The following MYO3B variants were observed in gnomAD, a reference collection of about 807,000 sequenced individuals.
The protein encoded by MYO3B is myosin-IIIb.
MYO3B carries 156 observed loss-of-function variants against 174.6 expected under a neutral mutation model. The ratio of observed to expected loss-of-function variants is 0.89; its 90% CI spans 0.78 to 1.02. The LOEUF (loss-of-function observed/expected upper bound fraction) is 1.02. MYO3B is among the 50% of genes least tolerant of loss of function. MYO3B has a pLI of 0.00. For missense variants in MYO3B, 1,632 were observed against 1,639.4 expected (o/e 1.00, Z 0.08); for synonymous variants, 563 against 569.1 (o/e 0.99, Z 0.15).
chr2:170,282,663 G>C (rs2093521189), intron 7 of MYO3B, among the ~76,000 whole-genome samples: 2 of 151,804 alleles, frequency 1.3e-5, no homozygotes, highest in South Asian at 4.2e-4. Flanking sequence ...ATTTTAATAG[G>C]GATGCATTGA....
intron 28 of MYO3B, among the ~76,000 whole-genome samples, chr2:170,504,847 C>G (rs1190173680): frequency 6.6e-6 from 1 of 152,122 alleles, no homozygotes; most frequent in Non-Finnish European, 1.5e-5. Context: ...CATTCAGATT[C>G]CAGGAGCAGG....
chr2:170,592,718 G>A (rs768352396), intron 32 of MYO3B, among the ~76,000 whole-genome samples: 5 of 152,070 alleles, frequency 3.3e-5, no homozygotes, highest in Non-Finnish European at 7.4e-5. Context: ...AAGTATCCTT[G>A]GTGCCCATCA....
intron 1 of MYO3B, among the ~76,000 whole-genome samples, chr2:170,185,260 C>T (rs1438225449): frequency 6.6e-6 from 1 of 152,148 alleles, no homozygotes; most frequent in Non-Finnish European, 1.5e-5. Flanking sequence ...AGACCAACGT[C>T]CTGGAGAGTT....
intron 30 of MYO3B, among the ~76,000 whole-genome samples, chr2:170,533,133 C>T (rs958021438): frequency 1.3e-5 from 2 of 152,166 alleles, no homozygotes; most frequent in South Asian, 4.1e-4. Flanking sequence ...GTCTATTCCA[C>T]GTCATCATTG....
chr2:170,277,067 G>T (rs1334526339), intron 7 of MYO3B, among the ~76,000 whole-genome samples: 2 of 152,148 alleles, frequency 1.3e-5, no homozygotes, highest in African/African-American at 4.8e-5. Context: ...GACAAGGTCA[G>T]TGCTGGGAAC....
intron 9 of MYO3B, among the ~76,000 whole-genome samples, chr2:170,377,092 A>G (rs2094299202): frequency 6.6e-6 from 1 of 152,232 alleles, no homozygotes; most frequent in Admixed American, 6.5e-5. Context: ...TTGATTAATG[A>G]GTCACTTTTG....
At chr2:170,552,393 G>A (rs966811824) in intron 32 of MYO3B, among the ~76,000 whole-genome samples, 1 of 152,182 alleles carries the variant, frequency 6.6e-6, no homozygotes, top group Admixed American at 6.5e-5. Context: ...TGCAGTAAAG[G>A]TCACTCTTGC....
intron 32 of MYO3B, among the ~76,000 whole-genome samples, chr2:170,589,392 ATTG>A (rs993118485): frequency 2.0e-5 from 3 of 152,158 alleles, no homozygotes; most frequent in Non-Finnish European, 2.9e-5. Flanking sequence ...TTCAGAAGGC[ATTG>A]TTGTCATAGG....
intron 7 of MYO3B, among the ~76,000 whole-genome samples, chr2:170,320,905 A>G (rs1018693153): frequency 6.6e-6 from 1 of 152,196 alleles, no homozygotes; most frequent in Non-Finnish European, 1.5e-5. Context: ...TGAAGAATAC[A>G]TAGAAAATAA....
chr2:170,609,291 C>T (rs770402907), intron 32 of MYO3B, among the ~76,000 whole-genome samples: 4 of 152,184 alleles, frequency 2.6e-5, no homozygotes, highest in Non-Finnish European at 5.9e-5. Flanking sequence ...CAAATATACA[C>T]ACTCACACAT....
At position 170,369,271 on chromosome 2, in the gene MYO3B, G is replaced by T; in HGVS notation, c.865G>T (p.Asp289Tyr). Residue 289 changes from aspartate (D) to tyrosine (Y), a missense_variant, in exon 9 of 35, where the codon GAC becomes TAC. Coordinates refer to ENST00000408978, the MANE Select transcript of MYO3B (RefSeq NM_138995.5). ...GCGACCTTCCGTCACACATCTCCTT[G>T]ACCACCCATTTATTAAAGGAGTACA... ...ERRPSVTHLL[D>Y]HPFIKGVHGK... The T allele has an allele frequency of 6.2e-7, 1 of 1,613,614 alleles. No individual in the cohort carries two copies. The highest frequency in any genetic ancestry group is 1.1e-5 in the South Asian group (1 of 90,990).
chr2:170,334,900 A>G (rs2093936801), intron 7 of MYO3B: 1 of 153,280 alleles, frequency 6.5e-6, no homozygotes, highest in African/African-American at 2.4e-5. Flanking sequence ...AAGTTGATAC[A>G]TAGGAGATAG....
chr2:170,444,217 A>G (rs989288962), intron 23 of MYO3B, among the ~76,000 whole-genome samples, 171 bp downstream of exon 23: 4 of 152,242 alleles, frequency 2.6e-5, no homozygotes, highest in African/African-American at 9.6e-5. Context: ...TGGAAACATC[A>G]TGGAATCCTT....
intron 25 of MYO3B, among the ~76,000 whole-genome samples, chr2:170,474,062 C>G (rs918746996): frequency 6.6e-6 from 1 of 152,204 alleles, no homozygotes; most frequent in African/African-American, 2.4e-5. Context: ...AAAGACATGT[C>G]TGGATCCAGG....
intron 29 of MYO3B, among the ~76,000 whole-genome samples, chr2:170,518,494 G>A (rs1381014829): frequency 6.6e-6 from 1 of 152,120 alleles, no homozygotes; most frequent in Non-Finnish European, 1.5e-5. Flanking sequence ...AATTGTCTAG[G>A]GAGCTTTTAA....
intron 27 of MYO3B, among the ~76,000 whole-genome samples, chr2:170,501,387 A>G (rs893803958): frequency 6.6e-6 from 1 of 152,186 alleles, no homozygotes; most frequent in Admixed American, 6.6e-5. Context: ...TGAAAGGGTC[A>G]GGCTATTCCA....
At chr2:170,597,390 A>T (rs1197307073) in intron 32 of MYO3B, among the ~76,000 whole-genome samples, 1 of 151,568 alleles carries the variant, frequency 6.6e-6, no homozygotes, top group African/African-American at 2.4e-5. Context: ...AAAAAAAAAA[A>T]AGAAGCCCTG....
intron 32 of MYO3B, among the ~76,000 whole-genome samples, chr2:170,613,166 C>A (rs781663408): frequency 6.6e-6 from 1 of 152,204 alleles, no homozygotes; most frequent in African/African-American, 2.4e-5. Context: ...TAGATCATCT[C>A]TATTAATCTC....
chr2:170,521,375 T>A (rs1688656757), intron 30 of MYO3B, among the ~76,000 whole-genome samples: 1 of 152,218 alleles, frequency 6.6e-6, no homozygotes, highest in Non-Finnish European at 1.5e-5. Flanking sequence ...TGGTTTCTGA[T>A]CCCAGCTAAC....
Sources: gnomAD v4.1 joint callset for allele counts (sites outside exome capture counted in the v4.1 genomes callset) on GRCh38, gnomAD v4.1.1 for gene constraint, MANE v1.5 for transcripts, NCBI Gene and HGNC (gene_info 2026-07-23, HGNC 2026-07-21) for gene names.